The following FHIT variants were observed in gnomAD, a reference collection of about 807,000 sequenced individuals.
FHIT encodes fragile histidine triad diadenosine triphosphatase.
Under a neutral mutation model 17.9 loss-of-function variants are expected in FHIT, and 19 were observed. That is an observed-to-expected ratio of 1.06 (90% CI 0.74 to 1.56). The LOEUF is 1.56. Among genes scored for constraint, FHIT ranks in the 40% most tolerant of loss-of-function variants. The probability of loss-of-function intolerance (pLI) is 0.00; values close to 1 mark genes in which losing one functional copy is unlikely to be tolerated. For synonymous variants in FHIT, 81 were observed against 69.7 expected, an observed-to-expected ratio of 1.16 and a Z score of -0.81; for missense variants, 248 against 189.2, an observed-to-expected ratio of 1.31 and a Z score of -1.82.
In FHIT at chr3:60,528,572, G is replaced by T. The variant is rs532530913; in HGVS notation, c.103+8288C>A. On this transcript the variant is annotated intron_variant, in intron 5 of 9. Transcript: ENST00000492590. Reference sequence around the variant, plus strand: ...TTGATACGAAGAAAGAGTTCTGTTGGTCTTAATTAATCAGCTAACCTACAA... The same window carrying T: ...TTGATACGAAGAAAGAGTTCTGTTGTTCTTAATTAATCAGCTAACCTACAA... Among the ~76,000 whole-genome samples, 78 of 152,230 alleles carry T rather than the reference G, an allele frequency of 5.1e-4. 1 individual carries two copies. Among genetic ancestry groups the T allele is most frequent in the African/African-American group, 1.8e-3 (73 of 41,528 alleles).
At chr3:60,527,138 C>G (rs910645081) in intron 5 of FHIT, among the ~76,000 whole-genome samples, 2 of 152,194 alleles carry the variant, frequency 1.3e-5, no homozygotes, top group African/African-American at 2.4e-5. Context: ...TCAACATCTG[C>G]TGCACTCCTG....
rs1164210329 is a variant in FHIT, at chr3:61,202,410, C to T, written c.-212-1745G>A. ...GAAGTGAGGAGCGCCTCTGCCCGGA[C>T]GCTGTGCAACCTTCCAAGTGTGAAG... On this transcript the variant is annotated intron_variant, in intron 1 of 9. Coordinates refer to ENST00000492590, the MANE Select transcript of FHIT (RefSeq NM_002012.4). 1.1e-4 allele frequency among the ~76,000 whole-genome samples: 16 copies of T among 152,122 alleles called. No homozygotes were observed. The South Asian group carries it at 1.7e-3, about 16-fold the overall frequency.
At chr3:60,300,746 C>G (rs560386458) in intron 5 of FHIT, among the ~76,000 whole-genome samples, 1 of 152,254 alleles carries the variant, frequency 6.6e-6, no homozygotes, top group South Asian at 2.1e-4. Flanking sequence ...GATCCAGCAA[C>G]TATTGATCCA....
At chr3:60,837,091 G>C (rs1346563375) in intron 3 of FHIT, among the ~76,000 whole-genome samples, 1 of 152,092 alleles carries the variant, frequency 6.6e-6, no homozygotes, top group Non-Finnish European at 1.5e-5. Flanking sequence ...TTGCAGCTGG[G>C]TCTCCAAGCT....
At chr3:59,906,598 A>G (rs1488583032) in intron 8 of FHIT, among the ~76,000 whole-genome samples, 1 of 152,214 alleles carries the variant, frequency 6.6e-6, no homozygotes, top group Non-Finnish European at 1.5e-5. Flanking sequence ...TGGTGGAGTT[A>G]CAGATGGATC....
chr3:60,662,047 A>C (rs868918072), intron 4 of FHIT, among the ~76,000 whole-genome samples: 1 of 152,060 alleles, frequency 6.6e-6, no homozygotes, highest in Non-Finnish European at 1.5e-5. Context: ...GAAGCTTTTT[A>C]GTTTAATTAA....
At chr3:60,999,798 T>TA (rs1277999538) in intron 3 of FHIT, among the ~76,000 whole-genome samples, 1 of 152,022 alleles carries the variant, frequency 6.6e-6, no homozygotes, top group Admixed American at 6.6e-5. Context: ...CTGGCAGTTG[T>TA]AAAAAATATC....
intron 7 of FHIT, among the ~76,000 whole-genome samples, chr3:59,953,018 C>A (rs969197259): frequency 1.3e-5 from 2 of 151,934 alleles, no homozygotes; most frequent in African/African-American, 4.8e-5. Flanking sequence ...GTCTGTCTCT[C>A]CACCCCCCGA....
chr3:59,921,292 A>G (rs1290038899), intron 8 of FHIT, among the ~76,000 whole-genome samples: 7 of 152,216 alleles, frequency 4.6e-5, no homozygotes, highest in Non-Finnish European at 1.0e-4. Flanking sequence ...AAGAAGCCCT[A>G]TAGACACACA....
At chr3:60,188,589 G>A (rs996828380) in intron 5 of FHIT, among the ~76,000 whole-genome samples, 3 of 152,038 alleles carry the variant, frequency 2.0e-5, no homozygotes, top group Admixed American at 2.0e-4. Flanking sequence ...GTTAAGGAGT[G>A]CCTTCATTTC....
chr3:60,071,113 C>T (rs916612143), intron 5 of FHIT, among the ~76,000 whole-genome samples: 5 of 152,100 alleles, frequency 3.3e-5, no homozygotes, highest in African/African-American at 7.2e-5. Context: ...CTTGCCATGC[C>T]CTAGTCCTGC....
At chr3:60,448,638 T>G (rs976194484) in intron 5 of FHIT, among the ~76,000 whole-genome samples, 2 of 152,108 alleles carry the variant, frequency 1.3e-5, no homozygotes, top group Non-Finnish European at 2.9e-5. Context: ...CATTGAAAGC[T>G]CTTAACCGCA....
At chr3:60,434,910 A>C (rs922104555) in intron 5 of FHIT, among the ~76,000 whole-genome samples, 1 of 152,184 alleles carries the variant, frequency 6.6e-6, no homozygotes, top group Non-Finnish European at 1.5e-5. Context: ...TACAACATTC[A>C]TAGTTAAACC....
At chr3:60,819,787 A>G (rs1474149824) in intron 4 of FHIT, among the ~76,000 whole-genome samples, 1 of 152,166 alleles carries the variant, frequency 6.6e-6, no homozygotes, top group African/African-American at 2.4e-5. Context: ...CACAGCAAAC[A>G]GTAGAACTCT....
At chr3:60,481,948 A>G (rs1229098223) in intron 5 of FHIT, among the ~76,000 whole-genome samples, 1 of 152,236 alleles carries the variant, frequency 6.6e-6, no homozygotes, top group Non-Finnish European at 1.5e-5. Flanking sequence ...ACACAAAGAC[A>G]CAAATAGACT....
chr3:60,338,999 C>T (rs1418530483), intron 5 of FHIT, among the ~76,000 whole-genome samples: 1 of 151,992 alleles, frequency 6.6e-6, no homozygotes, highest in Non-Finnish European at 1.5e-5. Context: ...AGGAGGGGAC[C>T]CACAGAAGAT....
At chr3:60,174,157 G>A (rs1432855218) in intron 5 of FHIT, among the ~76,000 whole-genome samples, 6 of 151,390 alleles carry the variant, frequency 4.0e-5, no homozygotes, top group Admixed American at 6.6e-5. Context: ...TGATCCGCCC[G>A]CCTCAGCCTC....
intron 5 of FHIT, among the ~76,000 whole-genome samples, chr3:60,157,178 C>T (rs1700737886): frequency 6.6e-6 from 1 of 152,032 alleles, no homozygotes; most frequent in African/African-American, 2.4e-5. Flanking sequence ...TCACTGGCTG[C>T]TAAGAGTTGC....
At chr3:60,761,440 A>G (rs1699653004) in intron 4 of FHIT, among the ~76,000 whole-genome samples, 1 of 152,192 alleles carries the variant, frequency 6.6e-6, no homozygotes, top group African/African-American at 2.4e-5. Flanking sequence ...TCACATTTCA[A>G]TAATGTGACA....
Sources: allele counts gnomAD v4.1 joint callset (sites outside exome capture counted in the v4.1 genomes callset), GRCh38; gene constraint gnomAD v4.1.1; transcripts MANE v1.5; gene names NCBI Gene and HGNC (gene_info 2026-07-23, HGNC 2026-07-21).